The following CDH26 variants were observed in gnomAD, a reference collection of about 807,000 sequenced individuals.
CDH26 encodes the protein cadherin 26, also known as cadherin-like protein 26.
A neutral mutation model predicts 90.3 loss-of-function variants in CDH26; 83 were observed. That is an observed-to-expected ratio of 0.92 (90% CI 0.77 to 1.10). The LOEUF (loss-of-function observed/expected upper bound fraction) is 1.10. Among genes scored for constraint, CDH26 ranks in the 50% least tolerant of loss-of-function variants. CDH26 has a pLI of 0.00. For synonymous variants in CDH26, 397 were observed against 396.3 expected, an observed-to-expected ratio of 1.00 and a Z score of -0.02; for missense variants, 1,013 against 1,037.6, an observed-to-expected ratio of 0.98 and a Z score of 0.33.
chr20:60,033,250 A>G (rs1050737118), intron 8 of CDH26, among the ~76,000 whole-genome samples: 3 of 152,180 alleles, frequency 2.0e-5, no homozygotes, highest in Non-Finnish European at 4.4e-5. Context: ...TTGAGAAGTC[A>G]TTGCTATTAC....
downstream of CDH26, among the ~76,000 whole-genome samples, chr20:60,015,326 A>C (rs1490784117): frequency 6.6e-6 from 1 of 152,168 alleles, no homozygotes; most frequent in African/African-American, 2.4e-5. Context: ...TAGCTATCCT[A>C]ACTGGGATGA....
At chr20:59,966,225 T>A (rs1486588786) in intron 1 of CDH26, among the ~76,000 whole-genome samples, 1 of 135,284 alleles carries the variant, frequency 7.4e-6, no homozygotes, top group African/African-American at 3.2e-5. Flanking sequence ...TAAAATGGTG[T>A]TGCATTAAAA....
Position 59,994,313 on chromosome 20 carries a change from TCCC to T in CDH26, c.1491_1493del (p.Pro498del). The T allele has an allele frequency of 6.2e-7, 1 of 1,613,676 alleles. No homozygotes were observed. The highest frequency in any genetic ancestry group is 8.5e-7 in the Non-Finnish European group (1 of 1,179,954). On this transcript the variant is annotated inframe_deletion, in exon 11 of 18. Coordinates refer to ENST00000348616, the MANE Select transcript of CDH26 (RefSeq NM_177980.4). ...TTCCTGTCTGACATCAATGACAACG[TCCC>T]GACTCTCCGGCCACGTTCCCGCTAC...
At chr20:59,995,525 G>A (rs1403111926) in intron 11 of CDH26, among the ~76,000 whole-genome samples, 1 of 152,196 alleles carries the variant, frequency 6.6e-6, no homozygotes, top group Non-Finnish European at 1.5e-5. Context: ...TGCCCTAGGT[G>A]CCTCTTTCCT....
At chr20:59,998,178 C>T (rs1013924093) in intron 13 of CDH26, among the ~76,000 whole-genome samples, 60 of 152,352 alleles carry the variant, frequency 3.9e-4, no homozygotes, top group African/African-American at 1.4e-3. Context: ...TTGGACAGTT[C>T]CAGTGGCTCA....
At chr20:60,004,128 A>G (rs1225211940) in intron 16 of CDH26, among the ~76,000 whole-genome samples, 2 of 152,248 alleles carry the variant, frequency 1.3e-5, no homozygotes, top group African/African-American at 2.4e-5. Flanking sequence ...GGAACCAGGC[A>G]GCAGGGTCCC....
chr20:60,006,705 G>T lies in CDH26; in HGVS notation c.2221-8G>T, dbSNP rs1221510718. 1 of 1,612,224 alleles carries T rather than the reference G, an allele frequency of 6.2e-7. No homozygotes were observed. Among genetic ancestry groups the T allele is most frequent in the Non-Finnish European group, 8.5e-7 (1 of 1,178,316 alleles). On this transcript the variant is annotated splice_region_variant and splice_polypyrimidine_tract_variant and intron_variant, in intron 16 of 17. Coordinates refer to ENST00000348616, the MANE Select transcript of CDH26 (RefSeq NM_177980.4). ...CTGTGGTATGAAGCTCTACTGGTTT[G>T]CTTGCAGGCTTACCCAGATGCCACA...
chr20:59,967,835 T>A (rs544947974), intron 1 of CDH26, among the ~76,000 whole-genome samples: 1 of 84,842 alleles, frequency 1.2e-5, no homozygotes, highest in South Asian at 4.1e-4. Flanking sequence ...CTTTCTTTCT[T>A]TCTTTCTTTC....
intron 11 of CDH26, 123 bp downstream of exon 11, chr20:59,994,612 C>G: frequency 7.9e-7 from 1 of 1,259,194 alleles, no homozygotes; most frequent in South Asian, 1.5e-5. Context: ...TCTGGCAGAG[C>G]TGGCTCTAGG....
rs567751812 is a variant in CDH26, at chr20:59,982,291, C to T, written c.394-632C>T. Among the ~76,000 whole-genome samples the T allele has an allele frequency of 1.2e-3, 179 of 152,154 alleles. 1 individual carries two copies. The highest frequency in any genetic ancestry group is 4.2e-3 in the African/African-American group (176 of 41,510). ...CCATTTTATTGATATGTGCTCTTAC[C>T]TTTACTATTGCTTTCTGTTTGTTTG... On this transcript the variant is annotated intron_variant, in intron 4 of 17. Transcript: ENST00000348616.
chr20:59,972,080 A>G lies in CDH26; in HGVS notation c.350A>G (p.Tyr117Cys). 1 of 1,614,132 alleles carries G rather than the reference A, an allele frequency of 6.2e-7. No homozygotes were observed. The highest frequency in any genetic ancestry group is 8.5e-7 in the Non-Finnish European group (1 of 1,180,002). The change falls in exon 4 of 18, where the codon TAT becomes TGT. Residue 117 changes from tyrosine (Y) to cysteine (C), a missense_variant. Physicochemically the swap from Tyr to Cys is radical, Grantham distance 194. Coordinates refer to ENST00000348616, the MANE Select transcript of CDH26 (RefSeq NM_177980.4). Reference sequence around the variant, plus strand: ...GAAGATCATGAGAACGGAAGGATATATGTTCACCGCCCTGTCGATCGAGAA... The same window carrying G: ...GAAGATCATGAGAACGGAAGGATATGTGTTCACCGCCCTGTCGATCGAGAA... ...SLEDHENGRI[Y>C]VHRPVDREMT... is the part of the protein sequence containing the mutation.
intron 5 of CDH26, among the ~76,000 whole-genome samples, chr20:59,983,774 C>T (rs182037860): frequency 2.0e-5 from 3 of 152,172 alleles, no homozygotes; most frequent in East Asian, 3.9e-4. Flanking sequence ...ATTGTATATG[C>T]GTATATGGTA....
chr20:59,983,767 G>T (rs1012332605), intron 5 of CDH26, among the ~76,000 whole-genome samples: 11 of 151,974 alleles, frequency 7.2e-5, no homozygotes, highest in African/African-American at 2.2e-4. Context: ...AGTACACATT[G>T]TATATGCGTA....
At chr20:60,000,703 C>T (rs1412200) in intron 14 of CDH26, among the ~76,000 whole-genome samples, 2 of 152,184 alleles carry the variant, frequency 1.3e-5, no homozygotes, top group Non-Finnish European at 2.9e-5. Context: ...CCTCCACCTT[C>T]TAGGTTTTGG....
chr20:59,995,471 G>C (rs191267364), intron 11 of CDH26, among the ~76,000 whole-genome samples: 9 of 152,308 alleles, frequency 5.9e-5, no homozygotes, highest in Admixed American at 5.2e-4. Flanking sequence ...GGCTTCTCGG[G>C]AGTGGATGAT....
intron 1 of CDH26, among the ~76,000 whole-genome samples, chr20:59,967,934 C>CCTTTCTTT (rs71183191): frequency 2.3e-4 from 25 of 109,864 alleles, no homozygotes; most frequent in Non-Finnish European, 3.3e-4. Flanking sequence ...CTTTCCTTTC[C>CCTTTCTTT]CTTTCTTTCT....
At position 59,996,675 on chromosome 20, in the gene CDH26, A is replaced by C. The variant is rs1452402861; in HGVS notation, c.1933A>C (p.Lys645Gln). ...LLRCYFVLEP[K>Q]RHGCSVSNDE... is the part of the protein sequence containing the mutation. Reference sequence around the variant, plus strand: ...GCGATGCTATTTTGTGCTTGAACCTAAGAGGCATGGATGCTCTGTATCCAA... The same window carrying C: ...GCGATGCTATTTTGTGCTTGAACCTCAGAGGCATGGATGCTCTGTATCCAA... Residue 645 changes from lysine to glutamine, a missense_variant, in exon 13 of 18, where the codon AAG becomes CAG. Lys to Gln is a moderately conservative substitution (Grantham distance 53, BLOSUM62 1). Coordinates refer to ENST00000348616, the MANE Select transcript of CDH26 (RefSeq NM_177980.4). The C allele has an allele frequency of 6.2e-7, 1 of 1,614,210 alleles. No individual in the cohort carries two copies. Among genetic ancestry groups the C allele is most frequent in the South Asian group, 1.1e-5 (1 of 91,086 alleles).
chr20:60,032,035 A>G (rs1390622012), intron 8 of CDH26, among the ~76,000 whole-genome samples: 1 of 152,260 alleles, frequency 6.6e-6, no homozygotes, highest in African/African-American at 2.4e-5. Context: ...AAGAAAAATC[A>G]TAATCTCACA....
At chr20:59,979,516 G>A (rs575970710) in intron 4 of CDH26, among the ~76,000 whole-genome samples, 23 of 147,818 alleles carry the variant, frequency 1.6e-4, no homozygotes, top group South Asian at 6.4e-4. Context: ...CTGTTTTATC[G>A]CTGAGTAGTA....
Sources: allele counts gnomAD v4.1 joint callset (sites outside exome capture counted in the v4.1 genomes callset), GRCh38; gene constraint gnomAD v4.1.1; transcripts MANE v1.5; gene names NCBI Gene and HGNC (gene_info 2026-07-23, HGNC 2026-07-21).